Variants in PDE7A observed in about 807,000 individuals in gnomAD.
The protein encoded by PDE7A is phosphodiesterase 7A.
A neutral mutation model predicts 64.3 loss-of-function variants in PDE7A; 39 were observed. The observed-to-expected ratio is 0.61, with a 90% confidence interval of 0.47 to 0.79. The LOEUF (loss-of-function observed/expected upper bound fraction) is 0.79, where lower values mean the gene tolerates loss of function less well. Among genes scored for constraint, PDE7A ranks in the 30% least tolerant of loss-of-function variants. PDE7A has a pLI of 0.00. For synonymous variants in PDE7A, 203 were observed against 206.8 expected, an observed-to-expected ratio of 0.98 and a Z score of 0.16; for missense variants, 470 against 582.8, an observed-to-expected ratio of 0.81 and a Z score of 1.99.
In PDE7A at chr8:65,754,572, G is replaced by A. The variant is rs1047432444; in HGVS notation, c.284-6769C>T. On this transcript the variant is annotated intron_variant, in intron 3 of 12. Transcript: ENST00000401827. The stretch of plus-strand genomic sequence containing the variant: ...AGGCTGGTCTCGAACTCCTGACCTT[G>A]TGATCCGCCCGCCTCGGCCTCCCAA... 1.1e-4 allele frequency among the ~76,000 whole-genome samples: 17 copies of A among 150,946 alleles called. No homozygotes were observed. The East Asian group carries it at 1.4e-3, about 12-fold the overall frequency.
At chr8:65,733,759 A>G (rs1330342099) in intron 7 of PDE7A, among the ~76,000 whole-genome samples, 1 of 152,208 alleles carries the variant, frequency 6.6e-6, no homozygotes, top group Non-Finnish European at 1.5e-5. Flanking sequence ...ATATACTAAA[A>G]AACGGGCATT....
chr8:65,830,960 A>G (rs1275603529), intron 1 of PDE7A, among the ~76,000 whole-genome samples: 2 of 152,162 alleles, frequency 1.3e-5, no homozygotes, highest in East Asian at 1.9e-4. Context: ...AGACTATAAA[A>G]AATTCTGTTA....
rs1025259796 is a variant in PDE7A, at chr8:65,828,331, G to C, written c.138+13040C>G. Among the ~76,000 whole-genome samples, 6 of 152,018 alleles carry C rather than the reference G, an allele frequency of 3.9e-5. 1 individual carries two copies. Among genetic ancestry groups the C allele is most frequent in the African/African-American group, 1.5e-4 (6 of 41,378 alleles). ...ACAGATGTAGAAAGCAGCATTAAAT[G>C]GCTGTTAAATTGACAGGCATGCCAT... On this transcript the variant is annotated intron_variant, in intron 1 of 12. Coordinates refer to ENST00000401827, the MANE Select transcript of PDE7A (RefSeq NM_001242318.3).
At chr8:65,835,345 A>C (rs931264700) in intron 1 of PDE7A, among the ~76,000 whole-genome samples, 1 of 152,262 alleles carries the variant, frequency 6.6e-6, no homozygotes, top group South Asian at 2.1e-4. Context: ...ATAAAGTCAA[A>C]CAAAGAAAAT....
Position 65,727,299 on chromosome 8 carries a change from A to G in PDE7A, c.699T>C (p.Leu233=), listed in dbSNP as rs766896932. The G allele has an allele frequency of 3.7e-6, 6 of 1,612,338 alleles. No homozygotes were observed. Among genetic ancestry groups the G allele is most frequent in the Non-Finnish European group, 5.1e-6 (6 of 1,178,510 alleles). ...TATCCCAAGGAGTTACAGAATTGGC[A>G]AGCTGAAGTGTGACAAAAGAATAAT... ...AMHCYLKEPK[L]ANSVTPWDIL... is the part of the protein sequence containing the mutation. Residue 233 remains leucine (L), a splice_region_variant and synonymous_variant, in exon 8 of 13, where the codon CTT becomes CTC. Transcript: ENST00000401827.
chr8:65,825,360 G>C (rs1810645599), intron 1 of PDE7A, among the ~76,000 whole-genome samples: 1 of 152,012 alleles, frequency 6.6e-6, no homozygotes, highest in Non-Finnish European at 1.5e-5. Flanking sequence ...TATTCCAATG[G>C]ACAGGGCTCC....
chr8:65,826,158 G>C (rs1374469451), intron 1 of PDE7A, among the ~76,000 whole-genome samples: 1 of 152,190 alleles, frequency 6.6e-6, no homozygotes, highest in Non-Finnish European at 1.5e-5. Flanking sequence ...AGAGGTAGCA[G>C]GAACCAGATC....
chr8:65,780,851 C>T (rs1244663145), intron 2 of PDE7A: 1 of 152,246 alleles, frequency 6.6e-6, no homozygotes, highest in African/African-American at 2.4e-5. Flanking sequence ...TACTCTGTTT[C>T]TCTGAGTAGG....
chr8:65,825,711 A>T (rs968818651), intron 1 of PDE7A, among the ~76,000 whole-genome samples: 10 of 152,194 alleles, frequency 6.6e-5, no homozygotes, highest in Non-Finnish European at 1.5e-4. Context: ...ATGCTCTGAC[A>T]TGGTATGCAT....
At chr8:65,721,213 T>C (rs1585820513) in intron 12 of PDE7A, among the ~76,000 whole-genome samples, 2 of 152,340 alleles carry the variant, frequency 1.3e-5, no homozygotes, top group East Asian at 3.9e-4. Flanking sequence ...GCCTCTACTT[T>C]ATCTTCACAG....
intron 1 of PDE7A, among the ~76,000 whole-genome samples, chr8:65,790,287 C>T (rs1216938598): frequency 2.6e-5 from 4 of 152,162 alleles, no homozygotes; most frequent in African/African-American, 4.8e-5. Context: ...TTTCAATCTA[C>T]TGAAGTACTG....
At chr8:65,769,617 T>C (rs1242804737) in intron 3 of PDE7A, among the ~76,000 whole-genome samples, 3 of 152,158 alleles carry the variant, frequency 2.0e-5, no homozygotes, top group Non-Finnish European at 4.4e-5. Context: ...TGATCTAGAC[T>C]GGGTGCGGTA....
chr8:65,740,181 A>C (rs1300387570), intron 5 of PDE7A, among the ~76,000 whole-genome samples: 2 of 112,078 alleles, frequency 1.8e-5, no homozygotes, highest in Admixed American at 9.7e-5. Context: ...GGGGGTGGGG[A>C]GGGGGAATCA....
intron 3 of PDE7A, among the ~76,000 whole-genome samples, chr8:65,760,382 T>C (rs771461684): frequency 2.0e-5 from 3 of 152,254 alleles, no homozygotes; most frequent in Non-Finnish European, 4.4e-5. Flanking sequence ...ACTTTTATTT[T>C]GCTTACAAAC....
intron 1 of PDE7A, among the ~76,000 whole-genome samples, chr8:65,797,944 TAAGTA>T (rs1184855102): frequency 2.0e-5 from 3 of 150,594 alleles, no homozygotes; most frequent in African/African-American, 7.3e-5. Flanking sequence ...AATCTAGGGT[TAAGTA>T]AAGATTTCTA....
intron 3 of PDE7A, among the ~76,000 whole-genome samples, chr8:65,776,957 G>A (rs577957588): frequency 1.1e-4 from 16 of 152,054 alleles, no homozygotes; most frequent in South Asian, 2.1e-4. Context: ...TTAATATTGC[G>A]CATTAAATAT....
intron 1 of PDE7A, among the ~76,000 whole-genome samples, chr8:65,784,221 G>A (rs1045946510): frequency 6.6e-6 from 1 of 151,872 alleles, no homozygotes; most frequent in Non-Finnish European, 1.5e-5. Flanking sequence ...AAAGGGGCGA[G>A]GGGAATGGAC....
chr8:65,828,393 G>A (rs76127068), intron 1 of PDE7A, among the ~76,000 whole-genome samples: 9,609 of 152,062 alleles, frequency 0.063, 380 homozygotes, highest in Middle Eastern at 0.11. Context: ...GTTGTTATGT[G>A]TATCTTTCTA....
chr8:65,780,466 C>G (rs1415208855), intron 2 of PDE7A, among the ~76,000 whole-genome samples: 1 of 152,176 alleles, frequency 6.6e-6, no homozygotes, highest in Admixed American at 6.5e-5. Context: ...AGCTCAGTGT[C>G]GTTCCTACAT....
Sources: allele counts gnomAD v4.1 joint callset (sites outside exome capture counted in the v4.1 genomes callset), GRCh38; gene constraint gnomAD v4.1.1; transcripts MANE v1.5; gene names NCBI Gene and HGNC (gene_info 2026-07-23, HGNC 2026-07-21).